Variants in JAKMIP2 observed in about 807,000 individuals in gnomAD.
JAKMIP2 encodes the protein janus kinase and microtubule interacting protein 2, also known as janus kinase and microtubule-interacting protein 2.
JAKMIP2 carries 25 observed loss-of-function variants against 115.0 expected under a neutral mutation model. The observed-to-expected ratio is 0.22, with a 90% confidence interval of 0.16 to 0.30. The LOEUF is 0.30. JAKMIP2 is among the 10% of genes least tolerant of loss of function. JAKMIP2 has a pLI of 1.00. For missense variants in JAKMIP2, 642 were observed against 957.6 expected (o/e 0.67, Z 4.35); for synonymous variants, 334 against 343.6 (o/e 0.97, Z 0.31).
chr5:147,772,531 T>A (rs1400880558), intron 1 of JAKMIP2, among the ~76,000 whole-genome samples: 2 of 151,628 alleles, frequency 1.3e-5, no homozygotes, highest in East Asian at 3.9e-4. Context: ...GGCCCTGGTG[T>A]TGCCAGATTT....
chr5:147,680,791 G>A (rs1481242362), intron 1 of JAKMIP2, among the ~76,000 whole-genome samples: 1 of 152,194 alleles, frequency 6.6e-6, no homozygotes, highest in Non-Finnish European at 1.5e-5. Flanking sequence ...AGAGAGGGCT[G>A]CTATTTAAGC....
chr5:147,602,566 A>T (rs1012955229), intron 20 of JAKMIP2, among the ~76,000 whole-genome samples: 8 of 152,178 alleles, frequency 5.3e-5, no homozygotes, highest in African/African-American at 1.9e-4. Flanking sequence ...ATGGAGTCTG[A>T]TTTGTTTCTC....
Position 147,639,615 on chromosome 5 carries a change from C to T in JAKMIP2, c.1530+17G>A, listed in dbSNP as rs1757784097. 2 of 1,605,928 alleles carry T rather than the reference C, an allele frequency of 1.2e-6. No individual in the cohort carries two copies. The highest frequency in any genetic ancestry group is 2.7e-5 in the African/African-American group (2 of 74,450). Reference sequence around the variant, plus strand: ...GCTGCACGCTAATTCAGAGCACTCTCACAGATACACACTAACCTTGGCTTC... The same window carrying T: ...GCTGCACGCTAATTCAGAGCACTCTTACAGATACACACTAACCTTGGCTTC... On this transcript the variant is annotated intron_variant, in intron 10 of 21. Coordinates refer to ENST00000616793, the MANE Select transcript of JAKMIP2 (RefSeq NM_001270941.2).
intron 1 of JAKMIP2, among the ~76,000 whole-genome samples, chr5:147,742,616 A>G (rs1309945941): frequency 6.6e-6 from 1 of 152,176 alleles, no homozygotes; most frequent in Non-Finnish European, 1.5e-5. Context: ...AGATAAGGGA[A>G]TAGAGAGATG....
chr5:147,689,479 G>A lies in JAKMIP2; in HGVS notation c.-148-17525C>T, dbSNP rs546485191. Among the ~76,000 whole-genome samples, 5 of 152,210 alleles carry A rather than the reference G, an allele frequency of 3.3e-5. No individual in the cohort carries two copies. In the East Asian group the frequency reaches 7.7e-4, roughly 24 times the overall value. The stretch of plus-strand genomic sequence containing the variant: ...AAAAATCCAGCTTGGAGATGGTAGC[G>A]GCTTAGAGAGTGGAAGCAAGGGAGG... On this transcript the variant is annotated intron_variant, in intron 1 of 21. Coordinates refer to ENST00000616793, the MANE Select transcript of JAKMIP2 (RefSeq NM_001270941.2).
intron 21 of JAKMIP2, 77 bp downstream of exon 21, chr5:147,601,664 G>T (rs1047580371): frequency 2.3e-6 from 2 of 882,208 alleles, no homozygotes; most frequent in Non-Finnish European, 3.3e-6. Context: ...CTAAAGAAAG[G>T]CATAGTAACT....
chr5:147,678,171 T>C (rs1003658263), intron 1 of JAKMIP2, among the ~76,000 whole-genome samples: 3 of 152,072 alleles, frequency 2.0e-5, no homozygotes, highest in Non-Finnish European at 2.9e-5. Flanking sequence ...TCTCGGCTAA[T>C]TTTTGTATTT....
At position 147,639,909 on chromosome 5, in the gene JAKMIP2, A is replaced by G. The variant is rs116770138; in HGVS notation, c.1402-149T>C. 1,316 of 753,978 alleles carry G rather than the reference A, an allele frequency of 1.7e-3. 19 individuals carry two copies. The African/African-American group carries it at 0.021, about 12-fold the overall frequency. 46.7% of individuals were successfully genotyped at this position (753,978 alleles called of 1,614,324 possible). On this transcript the variant is annotated intron_variant, in intron 9 of 21. Coordinates refer to ENST00000616793, the MANE Select transcript of JAKMIP2 (RefSeq NM_001270941.2). ...TTTTATTTTTAGCTCTGAAGTGTAT[A>G]TACGGGCACAAATACTGTAATACTT...
At chr5:147,657,051 G>A (rs562497010) in intron 3 of JAKMIP2, among the ~76,000 whole-genome samples, 9 of 152,118 alleles carry the variant, frequency 5.9e-5, no homozygotes, top group East Asian at 3.9e-4. Context: ...AGGCCGAGGC[G>A]GGTGGATCAC....
chr5:147,648,443 T>C lies in JAKMIP2; in HGVS notation c.869A>G (p.Glu290Gly). Residue 290 changes from glutamate to glycine, a missense_variant, in exon 5 of 22, where the codon GAA becomes GGA. Transcript: ENST00000616793. ...TAATTTTCTTATAGTGGCATTCAAT[T>C]CAGCTATTCTCTTTTGATTTCTTCG... ...DLRRNQKRIA[E>G]LNATIRKLED... 1 of 1,606,938 alleles carries C rather than the reference T, an allele frequency of 6.2e-7. No individual in the cohort carries two copies. Among genetic ancestry groups the C allele is most frequent in the Non-Finnish European group, 8.5e-7 (1 of 1,174,166 alleles).
intron 19 of JAKMIP2, among the ~76,000 whole-genome samples, chr5:147,615,605 T>A (rs1756529683): frequency 6.6e-6 from 1 of 152,052 alleles, no homozygotes; most frequent in Non-Finnish European, 1.5e-5. Context: ...GAATCTGTGA[T>A]GAGATGTGTG....
At chr5:147,720,821 G>A (rs1163062485) in intron 1 of JAKMIP2, among the ~76,000 whole-genome samples, 3 of 151,620 alleles carry the variant, frequency 2.0e-5, no homozygotes, top group Admixed American at 2.0e-4. Context: ...AGAGTAATTT[G>A]ATCATCTGAA....
In JAKMIP2 at chr5:147,715,473, A is replaced by C. The variant is rs1752939777; in HGVS notation, c.-148-43519T>G. Among the ~76,000 whole-genome samples, 3 of 151,056 alleles carry C rather than the reference A, an allele frequency of 2.0e-5. No homozygotes were observed. In the South Asian group the frequency reaches 6.2e-4, roughly 31 times the overall value. On this transcript the variant is annotated intron_variant, in intron 1 of 21. Coordinates refer to ENST00000616793, the MANE Select transcript of JAKMIP2 (RefSeq NM_001270941.2). ...TTAAATATATATGTATTACATATTCATGTTACTATATTATATATAACATAA... is the reference window on the plus strand; with the variant it reads ...TTAAATATATATGTATTACATATTCCTGTTACTATATTATATATAACATAA...
intron 1 of JAKMIP2, among the ~76,000 whole-genome samples, chr5:147,673,839 A>G (rs961553336): frequency 6.6e-6 from 1 of 151,482 alleles, no homozygotes; most frequent in African/African-American, 2.4e-5. Context: ...ATATATATCT[A>G]TCTAACAGGT....
intron 1 of JAKMIP2, among the ~76,000 whole-genome samples, chr5:147,703,778 T>C (rs1308472482): frequency 6.6e-6 from 1 of 152,006 alleles, no homozygotes; most frequent in Non-Finnish European, 1.5e-5. Context: ...ACTTTTTTAC[T>C]TCATAAACTT....
chr5:147,724,907 A>G, intron 1 of JAKMIP2, among the ~76,000 whole-genome samples: 1 of 152,316 alleles, frequency 6.6e-6, no homozygotes, highest in Non-Finnish European at 1.5e-5. Context: ...GGAGCTGGGT[A>G]AAATAAGGCT....
chr5:147,671,997 C>T, intron 1 of JAKMIP2, 43 bp from the exon 2 acceptor site: 1 of 1,214,932 alleles, frequency 8.2e-7, no homozygotes, highest in Non-Finnish European at 1.0e-6. Context: ...TGGCAAAGAC[C>T]TGGTCTAAGT....
intron 1 of JAKMIP2, among the ~76,000 whole-genome samples, chr5:147,755,678 A>C (rs1384306304): frequency 6.6e-6 from 1 of 152,094 alleles, no homozygotes; most frequent in Non-Finnish European, 1.5e-5. Context: ...GGATCTCGTT[A>C]TGTTGCCTAG....
intron 1 of JAKMIP2, among the ~76,000 whole-genome samples, chr5:147,752,049 G>C (rs976132360): frequency 4.6e-5 from 7 of 152,130 alleles, no homozygotes; most frequent in African/African-American, 1.4e-4. Context: ...GAGTACTACA[G>C]AAAAGAACAT....
Sources: gnomAD v4.1 joint callset for allele counts (sites outside exome capture counted in the v4.1 genomes callset) on GRCh38, gnomAD v4.1.1 for gene constraint, MANE v1.5 for transcripts, NCBI Gene and HGNC (gene_info 2026-07-23, HGNC 2026-07-21) for gene names.